The following CPNE8 variants were observed in gnomAD, a reference collection of about 807,000 sequenced individuals.
CPNE8 encodes the protein copine 8.
In CPNE8, 45 loss-of-function variants were observed where a neutral mutation model predicts 81.5. The ratio of observed to expected loss-of-function variants is 0.55; its 90% CI spans 0.44 to 0.71. The LOEUF is 0.71. Ranked by LOEUF, CPNE8 falls within the 30% of genes least tolerant of loss-of-function variation. CPNE8 has a pLI of 0.00. For missense variants in CPNE8, 594 were observed against 672.1 expected, an observed-to-expected ratio of 0.88 and a Z score of 1.28; for synonymous variants, 252 against 226.3, an observed-to-expected ratio of 1.11 and a Z score of -1.02.
rs71449477 is a variant in CPNE8 at position 38,902,232 on chromosome 12, GGAAAGAAA to G, written c.98+3197_98+3204del. Among the ~76,000 whole-genome samples the G allele has an allele frequency of 3.5e-3, 315 of 89,660 alleles. 9 individuals carry two copies. The highest frequency in any genetic ancestry group is 0.015 in the African/African-American group (293 of 19,804). 58.8% of individuals were successfully genotyped at this position (89,660 alleles called of 152,430 possible). A position where few individuals can be genotyped will look rare whatever the true frequency, so the allele number is the denominator to read the frequency against. ...AAGAAAGAAAGAGAAAGAGAAAGAA[GGAAAGAAA>G]GAAAGAAAGAAAGAAAAAAGAAAGA... On this transcript the variant is annotated intron_variant, in intron 1 of 19. Transcript: ENST00000331366.
At chr12:38,864,812 C>T (rs772604023) in intron 3 of CPNE8, among the ~76,000 whole-genome samples, 1 of 152,050 alleles carries the variant, frequency 6.6e-6, no homozygotes, top group Non-Finnish European at 1.5e-5. Flanking sequence ...AGAACAAAAG[C>T]ACAGATCATA....
chr12:38,704,826 G>GTATATATGTGTGTGTATA (rs1940051981), intron 13 of CPNE8, among the ~76,000 whole-genome samples: 1 of 50,200 alleles, frequency 2.0e-5, no homozygotes. Context: ...GTATGTATGT[G>GTATATATGTGTGTGTATA]TATATATATA....
intron 13 of CPNE8, among the ~76,000 whole-genome samples, chr12:38,718,151 G>C (rs1592034514): frequency 6.6e-6 from 1 of 152,052 alleles, no homozygotes; most frequent in Non-Finnish European, 1.5e-5. Flanking sequence ...CAAGGTTTTT[G>C]TTTATTTTAT....
chr12:38,679,436 T>A (rs1189792470), intron 16 of CPNE8: 1 of 350,580 alleles, frequency 2.9e-6, no homozygotes, highest in Non-Finnish European at 4.0e-6. Flanking sequence ...TCATAGAAAT[T>A]TTATACTTTA....
intron 8 of CPNE8, among the ~76,000 whole-genome samples, chr12:38,765,403 A>T (rs1366496653): frequency 3.3e-5 from 5 of 152,224 alleles, no homozygotes; most frequent in Admixed American, 6.5e-5. Context: ...ATATATAAAT[A>T]TCACGCTACT....
intron 19 of CPNE8, among the ~76,000 whole-genome samples, chr12:38,666,891 A>G (rs1025458231): frequency 1.2e-4 from 19 of 152,260 alleles, no homozygotes; most frequent in Admixed American, 7.8e-4. Context: ...CCTTTTTTGT[A>G]AAATGCAATA....
Position 38,796,756 on chromosome 12 carries a change from G to A in CPNE8, c.408-20455C>T, listed in dbSNP as rs188588841. 1.0e-3 allele frequency among the ~76,000 whole-genome samples: 154 copies of A among 152,234 alleles called. 1 individual carries two copies. The highest frequency in any genetic ancestry group is 3.3e-3 in the African/African-American group (135 of 41,532). On this transcript the variant is annotated intron_variant, in intron 6 of 19. Transcript: ENST00000331366. ...AGCAGGGTGAGGAATTGCCTCACTC[G>A]GGAAGCTCAAGTGGTCAGGGAGTTC...
chr12:38,724,913 T>C lies in CPNE8; in HGVS notation c.799-14A>G, dbSNP rs935797860. ...GGGATTCACCACCTTAAAAAGCAGA[T>C]AAAACAATTAAAATGTGTTAGGTTT... On this transcript the variant is annotated splice_polypyrimidine_tract_variant and intron_variant, in intron 11 of 19. Transcript: ENST00000331366. The C allele has an allele frequency of 6.6e-7, 1 of 1,518,036 alleles. No homozygotes were observed. Among genetic ancestry groups the C allele is most frequent in the Admixed American group, 1.8e-5 (1 of 56,044 alleles). 94.0% of individuals were successfully genotyped at this position (1,518,036 alleles called of 1,614,324 possible).
intron 19 of CPNE8, among the ~76,000 whole-genome samples, chr12:38,655,334 T>C (rs1377670438): frequency 6.6e-6 from 1 of 152,192 alleles, no homozygotes; most frequent in Non-Finnish European, 1.5e-5. Flanking sequence ...ACTGTGCTGT[T>C]TGAGGGCATT....
chr12:38,661,089 C>T (rs912524907), intron 19 of CPNE8, among the ~76,000 whole-genome samples: 12 of 152,124 alleles, frequency 7.9e-5, no homozygotes, highest in Non-Finnish European at 1.3e-4. Flanking sequence ...ACCATTTGAC[C>T]CAGCCATCCC....
intron 6 of CPNE8, among the ~76,000 whole-genome samples, chr12:38,795,890 T>TAGATAGATAGATAGATAGATAGATAGA (rs1942455274): frequency 6.6e-6 from 1 of 151,934 alleles, no homozygotes; most frequent in East Asian, 1.9e-4. Flanking sequence ...GATAGATAGA[T>TAGATAGATAGATAGATAGATAGATAGA]AGATAGATAG....
intron 7 of CPNE8, among the ~76,000 whole-genome samples, chr12:38,772,079 T>C (rs902666979): frequency 1.3e-5 from 2 of 152,178 alleles, no homozygotes; most frequent in African/African-American, 4.8e-5. Context: ...TCTCTCAGAA[T>C]GAGTTCATTC....
At chr12:38,810,407 T>G (rs531451288) in intron 6 of CPNE8, among the ~76,000 whole-genome samples, 1 of 152,328 alleles carries the variant, frequency 6.6e-6, no homozygotes, top group East Asian at 1.9e-4. Flanking sequence ...AGCAGGAGTA[T>G]CAGAGTCACA....
chr12:38,745,830 C>T (rs1057250853), intron 10 of CPNE8, among the ~76,000 whole-genome samples: 8 of 152,190 alleles, frequency 5.3e-5, no homozygotes, highest in Admixed American at 3.3e-4. Flanking sequence ...ACGTGAGCCA[C>T]GGCACCCCAT....
At chr12:38,676,764 C>T (rs539206093) in intron 17 of CPNE8, among the ~76,000 whole-genome samples, 5 of 152,268 alleles carry the variant, frequency 3.3e-5, no homozygotes, top group East Asian at 1.9e-4. Context: ...TCACATCTTT[C>T]GCTATGAAGA....
chr12:38,669,466 C>G (rs1939127080), intron 19 of CPNE8, among the ~76,000 whole-genome samples: 1 of 152,010 alleles, frequency 6.6e-6, no homozygotes, highest in African/African-American at 2.4e-5. Context: ...TTCTATTTAT[C>G]CCCCAAAACA....
At chr12:38,775,470 AC>A in intron 7 of CPNE8, among the ~76,000 whole-genome samples, 1 of 152,344 alleles carries the variant, frequency 6.6e-6, no homozygotes, top group South Asian at 2.1e-4. Flanking sequence ...AGTAAAGAGC[AC>A]TAGAGGTAAT....
intron 7 of CPNE8, among the ~76,000 whole-genome samples, chr12:38,773,920 A>G (rs1205748283): frequency 6.6e-6 from 1 of 152,140 alleles, no homozygotes; most frequent in Non-Finnish European, 1.5e-5. Context: ...CATAGAAAAC[A>G]TAAGATGAAG....
At chr12:38,781,983 C>T (rs1262634143) in intron 6 of CPNE8, among the ~76,000 whole-genome samples, 2 of 152,010 alleles carry the variant, frequency 1.3e-5, no homozygotes, top group Admixed American at 6.6e-5. Flanking sequence ...GAAATGAATT[C>T]TGAATGAATT....
Sources: gnomAD v4.1 joint callset for allele counts (sites outside exome capture counted in the v4.1 genomes callset) on GRCh38, gnomAD v4.1.1 for gene constraint, MANE v1.5 for transcripts, NCBI Gene and HGNC (gene_info 2026-07-23, HGNC 2026-07-21) for gene names.